The following TSEN15 variants were observed in gnomAD, a reference collection of about 807,000 sequenced individuals.
TSEN15 encodes the protein tRNA-splicing endonuclease subunit Sen15.
TSEN15 carries 10 observed loss-of-function variants against 20.5 expected under a neutral mutation model. That is an observed-to-expected ratio of 0.49 (90% CI 0.30 to 0.83). The LOEUF (loss-of-function observed/expected upper bound fraction) is 0.83. Among genes scored for constraint, TSEN15 ranks in the 40% least tolerant of loss-of-function variants. The pLI, the probability that TSEN15 is intolerant of heterozygous loss-of-function variation, is 0.06. For missense variants in TSEN15, 180 were observed against 218.6 expected, an observed-to-expected ratio of 0.82 and a Z score of 1.11; for synonymous variants, 72 against 80.1, an observed-to-expected ratio of 0.90 and a Z score of 0.54.
In TSEN15 at chr1:184,053,665, G is replaced by A. The variant is rs552228436; in HGVS notation, c.136-689G>A. Among the ~76,000 whole-genome samples, 198 of 152,228 alleles carry A rather than the reference G, an allele frequency of 1.3e-3. 1 individual carries two copies. Among genetic ancestry groups the A allele is most frequent in the African/African-American group, 4.6e-3 (190 of 41,532 alleles). On this transcript the variant is annotated intron_variant, in intron 1 of 4. Coordinates refer to ENST00000645668, the MANE Select transcript of TSEN15 (RefSeq NM_052965.4). ...GCCTCAGAATTCTCCTGCAGGTGTA[G>A]GCCCCTGAAAAGTATTCCCCTTATG...
At chr1:184,078,211 T>C (rs1185373907), downstream of TSEN15, among the ~76,000 whole-genome samples, 1 of 152,158 alleles carries the variant, frequency 6.6e-6, no homozygotes, top group Non-Finnish European at 1.5e-5. Context: ...GCAAAAAGAT[T>C]ATTACTTGCT....
intron 3 of TSEN15, chr1:184,094,164 G>A (rs1018898398): frequency 3.9e-5 from 6 of 151,960 alleles, no homozygotes; most frequent in Admixed American, 1.3e-4. Context: ...TTGATGTGGC[G>A]GTTATTCTCC....
exon 4 of TSEN15, chr1:184,097,060 C>T (rs10797939): frequency 0.72 from 109,097 of 152,064 alleles, 39,337 homozygotes; most frequent in African/African-American, 0.77. Context: ...CTCTCAGCAA[C>T]TGCAGTTCTT....
At chr1:184,085,405 G>C (rs1651242584) in intron 3 of TSEN15, among the ~76,000 whole-genome samples, 1 of 152,202 alleles carries the variant, frequency 6.6e-6, no homozygotes, top group Admixed American at 6.5e-5. Flanking sequence ...CCAGAAGTTA[G>C]AACAGTGTCT....
chr1:184,051,938 G>C, intron 1 of TSEN15, 48 bp downstream of exon 1: 1 of 1,461,888 alleles, frequency 6.8e-7, no homozygotes, highest in South Asian at 1.4e-5. Flanking sequence ...CCCTAACCCA[G>C]GCAGAACACT....
At chr1:184,087,672 G>A (rs1651286608) in intron 3 of TSEN15, among the ~76,000 whole-genome samples, 1 of 152,200 alleles carries the variant, frequency 6.6e-6, no homozygotes, top group Non-Finnish European at 1.5e-5. Context: ...TAAAGATGGA[G>A]AGGAGCCGAT....
chr1:184,054,758 G>C lies in TSEN15; in HGVS notation c.248G>C (p.Gly83Ala). Residue 83 changes from glycine (G) to alanine (A), a missense_variant, in exon 3 of 5, where the codon GGA (glycine) becomes GCA (alanine). Gly to Ala is a moderately conservative substitution (Grantham distance 60). This residue lies in a region of TSEN15 where 76 missense variants were observed against 123.4 expected (regional missense o/e 0.62). Transcript: ENST00000645668. ...AGCTGGCATGAAGTAAACTGTGTAG[G>C]ATTACCAGAACTCCAGCTCATCTGC... ...SKSWHEVNCV[G>A]LPELQLICLV... 2 of 1,612,264 alleles carry C rather than the reference G, an allele frequency of 1.2e-6. No individual in the cohort carries two copies. The highest frequency in any genetic ancestry group is 8.5e-7 in the Non-Finnish European group (1 of 1,179,758).
At chr1:184,069,594 G>A (rs982900710) in intron 3 of TSEN15, among the ~76,000 whole-genome samples, 42 of 152,156 alleles carry the variant, frequency 2.8e-4, no homozygotes, top group African/African-American at 9.6e-4. Context: ...ATGTTCTTGG[G>A]ATCTTTACAA....
chr1:184,095,949 C>T (rs1019854723), exon 4 of TSEN15: 70 of 385,612 alleles, frequency 1.8e-4, no homozygotes, highest in East Asian at 1.5e-3. Context: ...GTAATAATAC[C>T]ATATAAATAA....
Position 184,072,145 on chromosome 1 carries a change from C to G in TSEN15, c.354-12C>G, listed in dbSNP as rs763057702. ...ACCGCAACTCCTAAGTATATTGTGA[C>G]TTTATTTTCAGGATAAGGGAGATCT... On this transcript the variant is annotated splice_polypyrimidine_tract_variant and intron_variant, in intron 3 of 4. Transcript: ENST00000645668. 18 of 1,612,224 alleles carry G rather than the reference C, an allele frequency of 1.1e-5. No individual in the cohort carries two copies. Among genetic ancestry groups the G allele is most frequent in the Non-Finnish European group, 1.3e-5 (15 of 1,179,184 alleles).
At chr1:184,053,770 A>G (rs1195724488) in intron 1 of TSEN15, among the ~76,000 whole-genome samples, 1 of 152,254 alleles carries the variant, frequency 6.6e-6, no homozygotes, top group Non-Finnish European at 1.5e-5. Context: ...AAAGTGAGAA[A>G]GAGTGGGTAG....
downstream of TSEN15, among the ~76,000 whole-genome samples, chr1:184,078,365 A>G (rs921686712): frequency 5.4e-4 from 82 of 152,278 alleles, no homozygotes; most frequent in African/African-American, 1.9e-3. Context: ...AAAAAATTGT[A>G]TGACTTGTTT....
At chr1:184,055,807 T>C (rs973178521) in intron 3 of TSEN15, among the ~76,000 whole-genome samples, 7 of 145,268 alleles carry the variant, frequency 4.8e-5, no homozygotes, top group Admixed American at 1.3e-4. Flanking sequence ...TTTTTAATAA[T>C]GTAATAAGTA....
At chr1:184,094,463 C>T (rs1050686524) in intron 3 of TSEN15, 1 of 152,312 alleles carries the variant, frequency 6.6e-6, no homozygotes, top group African/African-American at 2.4e-5. Flanking sequence ...TCCTCACCCT[C>T]CTTTAGCGGC....
At chr1:184,096,564 T>C (rs1651455820) in exon 4 of TSEN15, 1 of 152,304 alleles carries the variant, frequency 6.6e-6, no homozygotes, top group African/African-American at 2.4e-5. Context: ...AAGACTGTTT[T>C]CTCACCAAAA....
At chr1:184,059,492 C>T (rs1650365613) in intron 3 of TSEN15, among the ~76,000 whole-genome samples, 1 of 152,150 alleles carries the variant, frequency 6.6e-6, no homozygotes, top group African/African-American at 2.4e-5. Flanking sequence ...TAATGGTATT[C>T]TAATGAATAG....
intron 3 of TSEN15, chr1:184,095,619 T>A (rs1651434270): frequency 2.5e-6 from 1 of 392,300 alleles, no homozygotes; most frequent in Admixed American, 4.6e-5. Context: ...GAGATCTCTA[T>A]CTCTCTCCCC....
chr1:184,054,780 C>T lies in TSEN15; in HGVS notation c.270C>T (p.Ile90=). ...TAGGATTACCAGAACTCCAGCTCATCTGCCTTGTTGGTACTGAGATAGAAG... is the reference window on the plus strand; with the variant it reads ...TAGGATTACCAGAACTCCAGCTCATTTGCCTTGTTGGTACTGAGATAGAAG... The part of the protein sequence containing the change: ...NCVGLPELQL[I]CLVGTEIEGE... The change falls in exon 3 of 5, where the codon ATC becomes ATT. Residue 90 remains isoleucine, a synonymous_variant. Transcript: ENST00000645668. The T allele has an allele frequency of 1.2e-6, 2 of 1,612,384 alleles. No individual in the cohort carries two copies. The highest frequency in any genetic ancestry group is 1.7e-6 in the Non-Finnish European group (2 of 1,179,630).
At chr1:184,088,109 A>T (rs896411768) in intron 3 of TSEN15, among the ~76,000 whole-genome samples, 4 of 152,110 alleles carry the variant, frequency 2.6e-5, no homozygotes, top group African/African-American at 9.7e-5. Flanking sequence ...GAAAGACCGG[A>T]GCCACCTCAG....
Sources: allele counts gnomAD v4.1 joint callset (sites outside exome capture counted in the v4.1 genomes callset), GRCh38; gene constraint gnomAD v4.1.1; regional missense constraint gnomAD v4.1.1; transcripts MANE v1.5; gene names NCBI Gene and HGNC (gene_info 2026-07-23, HGNC 2026-07-21).